FHIT: variants seen among roughly 807,000 people sequenced by gnomAD.
The protein encoded by FHIT is bis(5'-adenosyl)-triphosphatase.
FHIT carries 19 observed loss-of-function variants against 17.9 expected under a neutral mutation model. The observed-to-expected ratio is 1.06, with a 90% CI of 0.74 to 1.56. The LOEUF (loss-of-function observed/expected upper bound fraction) is 1.56. Among genes scored for constraint, FHIT ranks in the 40% most tolerant of loss-of-function variants. The pLI is 0.00. For missense variants in FHIT, 248 were observed against 189.2 expected, an observed-to-expected ratio of 1.31 and a Z score of -1.82; for synonymous variants, 81 against 69.7, an observed-to-expected ratio of 1.16 and a Z score of -0.81.
chr3:61,243,797 T>G (rs2040425329), intron 1 of FHIT, among the ~76,000 whole-genome samples: 1 of 151,926 alleles, frequency 6.6e-6, no homozygotes, highest in South Asian at 2.1e-4. Flanking sequence ...AGGAAAACCC[T>G]TAGACAAGCA....
intron 3 of FHIT, among the ~76,000 whole-genome samples, chr3:60,961,051 A>G (rs181917412): frequency 6.6e-6 from 1 of 152,358 alleles, no homozygotes; most frequent in Admixed American, 6.5e-5. Context: ...TCCCACCAAC[A>G]GTGTAAAAGT....
At chr3:60,722,912 C>T (rs1428918681) in intron 4 of FHIT, among the ~76,000 whole-genome samples, 1 of 151,968 alleles carries the variant, frequency 6.6e-6, no homozygotes, top group Non-Finnish European at 1.5e-5. Context: ...TTAGTAGAGA[C>T]TGGGTTTCAC....
At chr3:60,950,374 G>A (rs1275322613) in intron 3 of FHIT, among the ~76,000 whole-genome samples, 2 of 152,072 alleles carry the variant, frequency 1.3e-5, no homozygotes, top group Non-Finnish European at 1.5e-5. Flanking sequence ...AACATTCATT[G>A]GTCAGCCATC....
intron 4 of FHIT, among the ~76,000 whole-genome samples, chr3:60,624,903 T>TTTGTTTGTTTGTTTG (rs1553680344): frequency 4.0e-5 from 6 of 150,044 alleles, no homozygotes; most frequent in African/African-American, 7.5e-5. Context: ...TAGTTTTTTT[T>TTTGTTTGTTTGTTTG]TTTGTTTGTT....
At chr3:61,017,343 TTTCA>T (rs1355563125) in intron 3 of FHIT, among the ~76,000 whole-genome samples, 1 of 152,160 alleles carries the variant, frequency 6.6e-6, no homozygotes, top group African/African-American at 2.4e-5. Context: ...GTGTGTGCAC[TTTCA>T]TTATTTTGAA....
At chr3:60,905,786 A>G (rs544363653) in intron 3 of FHIT, among the ~76,000 whole-genome samples, 1 of 152,354 alleles carries the variant, frequency 6.6e-6, no homozygotes, top group Non-Finnish European at 1.5e-5. Context: ...GCTTCTTTTT[A>G]TAATGAAGAC....
chr3:61,087,975 C>T (rs953450332), intron 2 of FHIT, among the ~76,000 whole-genome samples: 10 of 152,018 alleles, frequency 6.6e-5, no homozygotes, highest in East Asian at 1.9e-4. Context: ...ACTGAGAGGC[C>T]GGATCTTAGA....
intron 3 of FHIT, among the ~76,000 whole-genome samples, chr3:60,839,613 C>T (rs1702649677): frequency 6.6e-6 from 1 of 152,100 alleles, no homozygotes; most frequent in Admixed American, 6.5e-5. Flanking sequence ...GATTTACATA[C>T]AGTATGTCAA....
At position 60,077,696 on chromosome 3, in the gene FHIT, A is replaced by C. The variant is rs1394253558; in HGVS notation, c.104-63544T>G. Among the ~76,000 whole-genome samples, 233 of 96,082 alleles carry C rather than the reference A, an allele frequency of 2.4e-3. 2 individuals are homozygous for C. The highest frequency in any genetic ancestry group is 0.012 in the African/African-American group (224 of 18,662). 63.0% of individuals were successfully genotyped at this position (96,082 alleles called of 152,430 possible). ...ATCTACGATTTTACTTCACACACAC[A>C]CACACACACACACACACACACACAC... On this transcript the variant is annotated intron_variant, in intron 5 of 9. Transcript: ENST00000492590.
At chr3:61,172,218 C>T (rs2038025922) in intron 2 of FHIT, among the ~76,000 whole-genome samples, 1 of 152,060 alleles carries the variant, frequency 6.6e-6, no homozygotes, top group South Asian at 2.1e-4. Context: ...GTTAAATAAA[C>T]CATGACACAA....
chr3:60,070,766 G>A (rs1369698825), intron 5 of FHIT, among the ~76,000 whole-genome samples: 1 of 152,218 alleles, frequency 6.6e-6, no homozygotes, highest in African/African-American at 2.4e-5. Context: ...CAATGAGGTT[G>A]CCTGGGTTTT....
At chr3:60,230,537 G>A (rs929342174) in intron 5 of FHIT, among the ~76,000 whole-genome samples, 2 of 152,128 alleles carry the variant, frequency 1.3e-5, no homozygotes, top group Non-Finnish European at 2.9e-5. Context: ...TAGGCAAACA[G>A]ATAATGAACA....
At chr3:60,186,335 C>T (rs1002161149) in intron 5 of FHIT, among the ~76,000 whole-genome samples, 4 of 152,058 alleles carry the variant, frequency 2.6e-5, no homozygotes, top group African/African-American at 4.8e-5. Context: ...CATATTTTTA[C>T]AGTGGATGTT....
chr3:60,832,235 GA>G (rs149247389), intron 3 of FHIT, among the ~76,000 whole-genome samples: 9 of 149,686 alleles, frequency 6.0e-5, no homozygotes, highest in Admixed American at 1.3e-4. Context: ...TAGATAAAAA[GA>G]AAAAAAAAGA....
rs563151763 is a variant in FHIT, at chr3:60,728,702, C to G, written c.-18+93217G>C. Among the ~76,000 whole-genome samples the G allele has an allele frequency of 3.1e-3, 178 of 57,790 alleles. 1 individual carries two copies. Among genetic ancestry groups the G allele is most frequent in the African/African-American group, 0.011 (173 of 16,166 alleles). The allele number at this position is 57,790 out of a possible 152,430, so 37.9% of individuals were successfully genotyped here. On this transcript the variant is annotated intron_variant, in intron 4 of 9. Transcript: ENST00000492590. ...CAATTTTGAAGTGTTTTCACACACA[C>G]ATACACACACACACACACACACACA...
At chr3:60,923,657 C>A (rs1377777950) in intron 3 of FHIT, among the ~76,000 whole-genome samples, 3 of 152,130 alleles carry the variant, frequency 2.0e-5, no homozygotes, top group African/African-American at 7.2e-5. Context: ...GTGATTTCTG[C>A]ATTTCCAACT....
chr3:59,898,133 G>C lies in FHIT; in HGVS notation c.348+24213C>G, dbSNP rs146588945. Among the ~76,000 whole-genome samples, 10 of 152,242 alleles carry C rather than the reference G, an allele frequency of 6.6e-5. No homozygotes were observed. The South Asian group carries it at 2.1e-3, about 32-fold the overall frequency. On this transcript the variant is annotated intron_variant, in intron 8 of 9. Transcript: ENST00000492590. ...TGGAAAATTCCACATGTAGTGTTAT[G>C]ATGGGTCACAGTAAAAATGCAGTTA... is the stretch of plus-strand genomic sequence containing the variant.
chr3:60,801,226 C>G (rs1198886145), intron 4 of FHIT, among the ~76,000 whole-genome samples: 1 of 152,158 alleles, frequency 6.6e-6, no homozygotes, highest in Non-Finnish European at 1.5e-5. Context: ...AGGGGTTATT[C>G]CGTGGGTTAA....
At chr3:60,067,751 C>T (rs1419779635) in intron 5 of FHIT, among the ~76,000 whole-genome samples, 1 of 152,160 alleles carries the variant, frequency 6.6e-6, no homozygotes, top group East Asian at 1.9e-4. Flanking sequence ...AGCCCCATTC[C>T]ATCATTAAAT....
Sources: allele counts gnomAD v4.1 joint callset (sites outside exome capture counted in the v4.1 genomes callset), GRCh38; gene constraint gnomAD v4.1.1; transcripts MANE v1.5; gene names NCBI Gene and HGNC (gene_info 2026-07-23, HGNC 2026-07-21).